The following LPA variants were observed in gnomAD, a reference collection of about 807,000 sequenced individuals.
The protein encoded by LPA is apolipoprotein(a).
Under a neutral mutation model 197.9 loss-of-function variants are expected in LPA, and 199 were observed. The observed-to-expected ratio is 1.01, with a 90% CI of 0.90 to 1.13. The LOEUF is 1.13. Ranked by LOEUF, LPA falls within the 50% of genes most tolerant of loss-of-function variation. The pLI, the probability that LPA is intolerant of heterozygous loss-of-function variation, is 0.00. For synonymous variants in LPA, 715 were observed against 639.5 expected, an observed-to-expected ratio of 1.12 and a Z score of -1.78; for missense variants, 1,853 against 1,785.8, an observed-to-expected ratio of 1.04 and a Z score of -0.68.
chr6:160,589,633 A>C lies in LPA; in HGVS notation c.3867T>G (p.Thr1289=). The change falls in exon 24 of 39, where the codon ACT becomes ACG. Residue 1289 remains threonine, a synonymous_variant. Transcript: ENST00000316300. ...AAGACTGACATGTCCTTCCTGTAACAGTGGTGGAGAATGAGCCTCGATAAC... is the reference window on the plus strand; with the variant it reads ...AAGACTGACATGTCCTTCCTGTAACCGTGGTGGAGAATGAGCCTCGATAAC... ...GQSYRGSFST[T]VTGRTCQSWS... 1 of 1,613,986 alleles carries C rather than the reference A, an allele frequency of 6.2e-7. No homozygotes were observed. Among genetic ancestry groups the C allele is most frequent in the Non-Finnish European group, 8.5e-7 (1 of 1,179,894 alleles).
intron 26 of LPA, among the ~76,000 whole-genome samples, chr6:160,584,376 G>A (rs183467723): frequency 7.0e-6 from 1 of 142,540 alleles, no homozygotes; most frequent in Non-Finnish European, 1.5e-5. Context: ...CTGTCACCCA[G>A]GCTGGAGTGC....
At chr6:160,565,377 T>G (rs936426410) in intron 28 of LPA, among the ~76,000 whole-genome samples, 2 of 152,300 alleles carry the variant, frequency 1.3e-5, no homozygotes, top group East Asian at 3.9e-4. Flanking sequence ...TATTTGCTGT[T>G]CTGCAGCCTC....
chr6:160,565,810 T>C (rs764418530), intron 28 of LPA, among the ~76,000 whole-genome samples: 6 of 152,194 alleles, frequency 3.9e-5, no homozygotes, highest in Non-Finnish European at 5.9e-5. Context: ...CAGACTAAAA[T>C]AAACAGCATA....
intron 18 of LPA, among the ~76,000 whole-genome samples, chr6:160,603,903 C>T (rs976862622): frequency 6.6e-6 from 1 of 152,096 alleles, no homozygotes; most frequent in African/African-American, 2.4e-5. Context: ...CTACTGTATT[C>T]CCAAGAGGTT....
chr6:160,566,195 T>A (rs1778451113), intron 28 of LPA, among the ~76,000 whole-genome samples: 1 of 152,008 alleles, frequency 6.6e-6, no homozygotes, highest in Non-Finnish European at 1.5e-5. Flanking sequence ...ACAAAAATAC[T>A]CCTCGAGAAG....
At chr6:160,554,495 G>A (rs948968498) in intron 30 of LPA, among the ~76,000 whole-genome samples, 1 of 152,026 alleles carries the variant, frequency 6.6e-6, no homozygotes, top group Non-Finnish European at 1.5e-5. Flanking sequence ...TGTTTCTGGG[G>A]TAGTCTTTAT....
intron 37 of LPA, among the ~76,000 whole-genome samples, chr6:160,537,078 C>G (rs935350719): frequency 3.3e-5 from 5 of 152,162 alleles, no homozygotes; most frequent in African/African-American, 1.2e-4. Flanking sequence ...AGTGCCCTTG[C>G]CTGCACCTCT....
chr6:160,659,551 G>T (rs1196009467), intron 1 of LPA, among the ~76,000 whole-genome samples: 2 of 152,236 alleles, frequency 1.3e-5, no homozygotes, highest in Non-Finnish European at 2.9e-5. Context: ...TTCTTTCCCT[G>T]CTGTGTGCTG....
chr6:160,571,099 G>A (rs911125569), intron 28 of LPA, among the ~76,000 whole-genome samples: 10 of 151,944 alleles, frequency 6.6e-5, no homozygotes, highest in Non-Finnish European at 1.5e-4. Context: ...TTGTTTTCAC[G>A]CTTTACTTCA....
chr6:160,575,406 C>T (rs1778637431), intron 28 of LPA, among the ~76,000 whole-genome samples: 1 of 152,146 alleles, frequency 6.6e-6, no homozygotes, highest in African/African-American at 2.4e-5. Context: ...CTAAATGCTT[C>T]TTGTATGTCT....
intron 30 of LPA, among the ~76,000 whole-genome samples, chr6:160,555,455 ATGTG>A (rs112444533): frequency 6.8e-5 from 9 of 133,060 alleles, no homozygotes; most frequent in African/African-American, 1.1e-4. Context: ...ATATATATAT[ATGTG>A]TGTGTATATA....
At chr6:160,544,172 G>A (rs1205531675) in intron 33 of LPA, among the ~76,000 whole-genome samples, 1 of 152,156 alleles carries the variant, frequency 6.6e-6, no homozygotes, top group Non-Finnish European at 1.5e-5. Context: ...TACTGTGGGT[G>A]TTTGAGGCAG....
At chr6:160,635,932 C>A (rs2115088012) in intron 6 of LPA, among the ~76,000 whole-genome samples, 1 of 56,520 alleles carries the variant, frequency 1.8e-5, no homozygotes, top group East Asian at 2.8e-4. Context: ...TTCTCCAAGA[C>A]TTCTCAAAGC....
At position 160,605,064 on chromosome 6, in the gene LPA, G is replaced by A. The variant is rs1779317876; in HGVS notation, c.2927C>T (p.Pro976Leu). ...SMTPHSHSRTPAYYPNAGLIK... is the reference protein window; with the variant it reads ...SMTPHSHSRTLAYYPNAGLIK... Reference sequence around the variant, plus strand: ...GACATACGCATTTGGGTAGTATGCTGGGGTCCGACTATGCGAGTGTGGTGT... The same window carrying A: ...GACATACGCATTTGGGTAGTATGCTAGGGTCCGACTATGCGAGTGTGGTGT... Residue 976 changes from proline to leucine, a missense_variant, in exon 18 of 39, where the codon CCA (proline) becomes CTA (leucine). Coordinates refer to ENST00000316300, the MANE Select transcript of LPA (RefSeq NM_005577.4). The A allele has an allele frequency of 1.9e-6, 3 of 1,613,818 alleles. No individual in the cohort carries two copies. The highest frequency in any genetic ancestry group is 8.5e-7 in the Non-Finnish European group (1 of 1,179,780).
chr6:160,611,841 C>T, intron 15 of LPA, 120 bp from the exon 16 acceptor site: 2 of 949,508 alleles, frequency 2.1e-6, no homozygotes, highest in Non-Finnish European at 3.0e-6. Flanking sequence ...TTTCCCTTAC[C>T]TGTAGGCAGA....
chr6:160,605,302 A>G, intron 17 of LPA, 97 bp from the exon 18 acceptor site: 1 of 1,376,626 alleles, frequency 7.3e-7, no homozygotes, highest in Admixed American at 1.7e-5. Flanking sequence ...GTCTCTGAGA[A>G]TTATGACCTC....
chr6:160,592,417 T>C (rs1260573227), intron 22 of LPA, among the ~76,000 whole-genome samples: 2 of 152,252 alleles, frequency 1.3e-5, no homozygotes, highest in Non-Finnish European at 2.9e-5. Context: ...TTTTCTGATA[T>C]TATGCATTCA....
At chr6:160,533,985 T>C (rs1777845361) in intron 37 of LPA, among the ~76,000 whole-genome samples, 3 of 152,190 alleles carry the variant, frequency 2.0e-5, no homozygotes, top group African/African-American at 7.2e-5. Flanking sequence ...CCAGCTCTCA[T>C]TAGAATTTTG....
chr6:160,588,544 C>A (rs770350198), intron 24 of LPA, among the ~76,000 whole-genome samples: 3 of 152,140 alleles, frequency 2.0e-5, no homozygotes, highest in Non-Finnish European at 4.4e-5. Flanking sequence ...TCCCAAGTAG[C>A]TTTTCTTTGT....
Sources: gnomAD v4.1 joint callset for allele counts (sites outside exome capture counted in the v4.1 genomes callset) on GRCh38, gnomAD v4.1.1 for gene constraint, MANE v1.5 for transcripts, NCBI Gene and HGNC (gene_info 2026-07-23, HGNC 2026-07-21) for gene names.